Variants in PRRG1 observed in about 807,000 individuals in gnomAD.
The protein encoded by PRRG1 is proline rich and Gla domain 1.
A neutral mutation model predicts 11.8 loss-of-function variants in PRRG1; 5 were observed. That is an observed-to-expected ratio of 0.42 (90% CI 0.22 to 0.89). The LOEUF (loss-of-function observed/expected upper bound fraction) is 0.89. PRRG1 is among the 40% of genes least tolerant of loss of function. The pLI is 0.28. For missense variants in PRRG1, 155 were observed against 166.1 expected (o/e 0.93, Z 0.37); for synonymous variants, 66 against 60.4 (o/e 1.09, Z -0.43).
At chrX:37,436,728 G>A (rs782188392) in intron 3 of PRRG1, among the ~76,000 whole-genome samples, 22 of 112,357 alleles carry the variant, frequency 2.0e-4, no homozygotes, top group African/African-American at 7.1e-4. Context: ...GAGTTGTTAG[G>A]GATGAGAGAA....
chrX:37,417,880 G>T (rs1418786914), intron 2 of PRRG1, among the ~76,000 whole-genome samples: 1 of 111,550 alleles, frequency 9.0e-6, no homozygotes, highest in African/African-American at 3.3e-5. Flanking sequence ...GTGCTTTTTT[G>T]ATTTTCTCTG....
In PRRG1 at chrX:37,368,446, AC is replaced by A. The variant is rs782442190; in HGVS notation, c.-42+19052del. ...ATTGTTCCTCTTTATCTCTTATAAT[AC>A]ATTTGTTTTTTATATTTGTCTTCTG... On this transcript the variant is annotated intron_variant, in intron 1 of 3. Transcript: ENST00000378628. Among the ~76,000 whole-genome samples the A allele has an allele frequency of 3.6e-5, 4 of 111,796 alleles. 1 individual carries two copies. The South Asian group carries it at 1.5e-3, about 42-fold the overall frequency.
chrX:37,403,313 G>A (rs2051949536), intron 1 of PRRG1, among the ~76,000 whole-genome samples: 1 of 109,615 alleles, frequency 9.1e-6, no homozygotes. Flanking sequence ...AAAAAGATGA[G>A]TTCATGTCCT....
At chrX:37,402,377 C>A (rs1271441853) in intron 1 of PRRG1, among the ~76,000 whole-genome samples, 22 of 111,673 alleles carry the variant, frequency 2.0e-4, no homozygotes, top group African/African-American at 6.5e-4. Flanking sequence ...CAAAAACAAG[C>A]AATGGGGAAA....
At chrX:37,367,795 G>T (rs1043106660) in intron 1 of PRRG1, among the ~76,000 whole-genome samples, 1 of 112,293 alleles carries the variant, frequency 8.9e-6, no homozygotes, top group African/African-American at 3.2e-5. Flanking sequence ...TCTTCAAATA[G>T]AGATATTCTG....
intron 1 of PRRG1, among the ~76,000 whole-genome samples, chrX:37,385,785 G>T (rs1931304981): frequency 9.3e-6 from 1 of 108,097 alleles, no homozygotes; most frequent in Non-Finnish European, 1.9e-5. Context: ...TTTTCAGACG[G>T]AGTCTCGCTC....
chrX:37,355,573 T>C (rs782016738), intron 1 of PRRG1, among the ~76,000 whole-genome samples: 5 of 111,646 alleles, frequency 4.5e-5, no homozygotes, highest in Non-Finnish European at 9.4e-5. Context: ...TATGAACATA[T>C]AATTGATGGA....
intron 1 of PRRG1, among the ~76,000 whole-genome samples, chrX:37,371,860 C>G (rs1418103539): frequency 8.8e-6 from 1 of 113,112 alleles, no homozygotes; most frequent in African/African-American, 3.2e-5. Context: ...GGGAGCCAGG[C>G]TGGTAGTGTG....
chrX:37,376,226 G>C (rs1930933900), intron 1 of PRRG1, among the ~76,000 whole-genome samples: 1 of 108,927 alleles, frequency 9.2e-6, no homozygotes, highest in Non-Finnish European at 1.9e-5. Flanking sequence ...CCAACATCTG[G>C]TTCATCATGG....
chrX:37,357,920 G>C (rs782487816), intron 1 of PRRG1, among the ~76,000 whole-genome samples: 1 of 112,450 alleles, frequency 8.9e-6, no homozygotes, highest in East Asian at 2.8e-4. Flanking sequence ...GGTGTTGTCA[G>C]TGTTCTGTAT....
At chrX:37,450,793 TA>T (rs1921099292) in intron 3 of PRRG1, among the ~76,000 whole-genome samples, 1 of 112,169 alleles carries the variant, frequency 8.9e-6, no homozygotes, top group Non-Finnish European at 1.9e-5. Context: ...AGATACTTGA[TA>T]AGTTTACTTT....
At chrX:37,383,689 A>T (rs782099817) in intron 1 of PRRG1, among the ~76,000 whole-genome samples, 1 of 111,419 alleles carries the variant, frequency 9.0e-6, no homozygotes, top group East Asian at 2.8e-4. Context: ...TGAATTGTCT[A>T]TATTGACCTC....
At chrX:37,360,882 G>A (rs1423224642) in intron 1 of PRRG1, among the ~76,000 whole-genome samples, 2 of 112,643 alleles carry the variant, frequency 1.8e-5, no homozygotes, top group African/African-American at 3.2e-5. Context: ...GGAAATAACT[G>A]TATGTCAAAC....
chrX:37,364,726 C>T (rs1315305068), intron 1 of PRRG1, among the ~76,000 whole-genome samples: 8 of 112,038 alleles, frequency 7.1e-5, no homozygotes, highest in Admixed American at 3.8e-4. Flanking sequence ...GACCTATCCA[C>T]GGTTTAATCC....
intron 1 of PRRG1, among the ~76,000 whole-genome samples, chrX:37,360,577 A>T (rs1476929744): frequency 1.8e-5 from 2 of 112,161 alleles, no homozygotes; most frequent in Non-Finnish European, 3.8e-5. Context: ...CCAGAATATG[A>T]TCTGTCTTGG....
intron 1 of PRRG1, among the ~76,000 whole-genome samples, chrX:37,388,562 C>A (rs1010289490): frequency 1.3e-4 from 15 of 113,279 alleles, no homozygotes; most frequent in Non-Finnish European, 2.4e-4. Context: ...TGAACTGAAC[C>A]TGGGCCCCTT....
intron 1 of PRRG1, among the ~76,000 whole-genome samples, chrX:37,398,481 A>G (rs1236051793): frequency 8.9e-6 from 1 of 111,831 alleles, no homozygotes; most frequent in Non-Finnish European, 1.9e-5. Flanking sequence ...ACCCATCTGT[A>G]TATCACCATC....
chrX:37,435,701 A>G (rs1221397693), intron 3 of PRRG1, among the ~76,000 whole-genome samples: 1 of 111,372 alleles, frequency 9.0e-6, no homozygotes, highest in East Asian at 2.8e-4. Context: ...AAAATGTCTG[A>G]CTACTATCAA....
chrX:37,419,430 A>C (rs1038341870), intron 2 of PRRG1, among the ~76,000 whole-genome samples: 5 of 112,207 alleles, frequency 4.5e-5, no homozygotes, highest in Admixed American at 1.9e-4. Context: ...CCATTTCTTG[A>C]GAAGAAGTTC....
Sources: allele counts gnomAD v4.1 joint callset (sites outside exome capture counted in the v4.1 genomes callset), GRCh38; gene constraint gnomAD v4.1.1; transcripts MANE v1.5; gene names NCBI Gene and HGNC (gene_info 2026-07-23, HGNC 2026-07-21).